Variants in PPP2R2C observed in about 807,000 individuals in gnomAD.
PPP2R2C encodes the protein protein phosphatase 2, regulatory subunit B, gamma.
In PPP2R2C, 10 loss-of-function variants were observed where a neutral mutation model predicts 45.3. The ratio of observed to expected loss-of-function variants is 0.22; its 90% CI spans 0.14 to 0.37. The LOEUF is 0.37. Among genes scored for constraint, PPP2R2C ranks in the 10% least tolerant of loss-of-function variants. PPP2R2C has a pLI of 1.00. For missense variants in PPP2R2C, 308 were observed against 619.7 expected (o/e 0.50, Z 5.34); for synonymous variants, 257 against 245.4 (o/e 1.05, Z -0.44).
intron 1 of PPP2R2C, among the ~76,000 whole-genome samples, chr4:6,409,913 G>A (rs376352089): frequency 4.6e-5 from 7 of 152,310 alleles, no homozygotes; most frequent in African/African-American, 1.4e-4. Flanking sequence ...TCTGGTGGAT[G>A]AAAGTTCCAT....
chr4:6,376,388 C>T (rs754848744), intron 3 of PPP2R2C, among the ~76,000 whole-genome samples: 4 of 151,614 alleles, frequency 2.6e-5, no homozygotes, highest in Non-Finnish European at 5.9e-5. Flanking sequence ...TTGAGGGGAG[C>T]GGAGTGTAGG....
chr4:6,346,509 G>A (rs553836031), intron 6 of PPP2R2C, among the ~76,000 whole-genome samples: 13 of 152,296 alleles, frequency 8.5e-5, no homozygotes, highest in East Asian at 1.9e-4. Context: ...TGCGTCAGGT[G>A]TGTGTTCACT....
At chr4:6,534,915 C>T (rs1724551860) in intron 2 of PPP2R2C, among the ~76,000 whole-genome samples, 2 of 152,270 alleles carry the variant, frequency 1.3e-5, no homozygotes, top group Non-Finnish European at 2.9e-5. Context: ...GTGCTGGCCA[C>T]AGCGGGCACT....
chr4:6,472,906 G>A (rs1192863098), upstream of PPP2R2C, among the ~76,000 whole-genome samples: 4 of 152,048 alleles, frequency 2.6e-5, no homozygotes, highest in African/African-American at 7.2e-5. Context: ...GCTGGGAAGG[G>A]GGCAGGAGGA....
intron 5 of PPP2R2C, among the ~76,000 whole-genome samples, chr4:6,363,769 C>T (rs1036084763): frequency 7.2e-5 from 11 of 152,114 alleles, no homozygotes; most frequent in South Asian, 4.2e-4. Flanking sequence ...AAGGGAGACC[C>T]GGCAAGGATA....
chr4:6,326,900 G>C (rs1270640813), intron 8 of PPP2R2C, among the ~76,000 whole-genome samples: 5 of 152,244 alleles, frequency 3.3e-5, no homozygotes, highest in Admixed American at 2.0e-4. Flanking sequence ...GGGTCACCAG[G>C]AATAAGAGGG....
intron 5 of PPP2R2C, among the ~76,000 whole-genome samples, chr4:6,352,323 G>T (rs1712641922): frequency 6.6e-6 from 1 of 152,110 alleles, no homozygotes; most frequent in African/African-American, 2.4e-5. Context: ...CAAAATGAGG[G>T]CCTGGGCCCT....
chr4:6,476,134 A>G (rs1722137006), upstream of PPP2R2C, among the ~76,000 whole-genome samples: 1 of 152,124 alleles, frequency 6.6e-6, no homozygotes, highest in African/African-American at 2.4e-5. Context: ...CACTTATCCT[A>G]TCTTGTTTAT....
chr4:6,340,748 C>T (rs1049113069), intron 6 of PPP2R2C, among the ~76,000 whole-genome samples: 7 of 152,264 alleles, frequency 4.6e-5, no homozygotes, highest in African/African-American at 1.7e-4. Context: ...AACACATGGC[C>T]AGGCTGGCCC....
chr4:6,468,732 T>C (rs990322619), intron 1 of PPP2R2C, among the ~76,000 whole-genome samples: 2 of 152,146 alleles, frequency 1.3e-5, no homozygotes, highest in Non-Finnish European at 2.9e-5. Flanking sequence ...GAAGGATGGA[T>C]GGGTTTTGTA....
At chr4:6,455,995 G>A (rs956601595) in intron 1 of PPP2R2C, among the ~76,000 whole-genome samples, 13 of 101,716 alleles carry the variant, frequency 1.3e-4, no homozygotes, top group Non-Finnish European at 2.6e-4. Flanking sequence ...TCCTGGGGGG[G>A]GGGAGCTGCG....
intron 2 of PPP2R2C, among the ~76,000 whole-genome samples, chr4:6,497,053 T>C (rs963812714): frequency 2.0e-4 from 31 of 152,024 alleles, no homozygotes; most frequent in South Asian, 4.2e-4. Context: ...AGAAGTTCCA[T>C]AGGCCTTTAA....
Position 6,547,946 on chromosome 4 carries a change from G to C in PPP2R2C, c.-58-12569C>G, listed in dbSNP as rs181549239. Among the ~76,000 whole-genome samples the C allele has an allele frequency of 5.2e-3, 795 of 152,252 alleles. 10 individuals carry two copies. The highest frequency in any genetic ancestry group is 0.027 in the South Asian group (130 of 4,826). On this transcript the variant is annotated intron_variant, in intron 1 of 9. Transcript: ENST00000506140. ...TTAAAATCATAATGGGGCCAGGCAC[G>C]GTAGCTCACACCTGTAATCCCAGCA...
In PPP2R2C at chr4:6,325,318, C is replaced by A. The variant is rs1478366582; in HGVS notation, c.1053-1725G>T. Reference sequence around the variant, plus strand: ...TTACCAGGTACTCCTCGATCCTAATCGTCCATGTGACCAAAGCCGCACCCG... The same window carrying A: ...TTACCAGGTACTCCTCGATCCTAATAGTCCATGTGACCAAAGCCGCACCCG... On this transcript the variant is annotated intron_variant, in intron 8 of 8. Transcript: ENST00000382599. Among the ~76,000 whole-genome samples, 15 of 152,310 alleles carry A rather than the reference C, an allele frequency of 9.8e-5. No homozygotes were observed. In the South Asian group the frequency reaches 3.1e-3, roughly 32 times the overall value.
At chr4:6,470,749 C>T (rs1200267161) in intron 1 of PPP2R2C, among the ~76,000 whole-genome samples, 1 of 152,234 alleles carries the variant, frequency 6.6e-6, no homozygotes, top group Admixed American at 6.5e-5. Context: ...GCTCTCAGCT[C>T]CCCGGGCCTC....
chr4:6,499,942 T>A (rs1318759918), intron 2 of PPP2R2C, among the ~76,000 whole-genome samples: 1 of 152,038 alleles, frequency 6.6e-6, no homozygotes, highest in Non-Finnish European at 1.5e-5. Context: ...TTCTTCCAAG[T>A]TTTTACACCA....
intron 1 of PPP2R2C, among the ~76,000 whole-genome samples, chr4:6,399,090 G>A (rs973151046): frequency 6.6e-6 from 1 of 152,216 alleles, no homozygotes; most frequent in Non-Finnish European, 1.5e-5. Flanking sequence ...AGGGTGCAGG[G>A]CAGAGATAGG....
At chr4:6,509,540 T>C (rs978619698) in intron 2 of PPP2R2C, among the ~76,000 whole-genome samples, 1 of 152,144 alleles carries the variant, frequency 6.6e-6, no homozygotes, top group African/African-American at 2.4e-5. Context: ...GTGTGTTTAA[T>C]AAATCTGCCC....
rs116091514 is a variant in PPP2R2C, at chr4:6,383,527, G to A, written c.71-2433C>T. 3,911 of 937,064 alleles carry A rather than the reference G, an allele frequency of 4.2e-3. 50 individuals are homozygous for A. The highest frequency in any genetic ancestry group is 0.032 in the Middle Eastern group (121 of 3,814). 58.0% of individuals were successfully genotyped at this position (937,064 alleles called of 1,614,324 possible). On this transcript the variant is annotated intron_variant, in intron 1 of 8. Coordinates refer to ENST00000382599, the MANE Select transcript of PPP2R2C (RefSeq NM_020416.4). ...CCAAGACCTGCTCTCTCGGCCTGCA[G>A]TGGCTTTCCCTGGGTACCAGCATGG...
Sources: allele counts gnomAD v4.1 joint callset (sites outside exome capture counted in the v4.1 genomes callset), GRCh38; gene constraint gnomAD v4.1.1; transcripts MANE v1.5; gene names NCBI Gene and HGNC (gene_info 2026-07-23, HGNC 2026-07-21).